The following ZNF514 variants were observed in gnomAD, a reference collection of about 807,000 sequenced individuals.
ZNF514 encodes the protein zinc finger protein 514.
Under a neutral mutation model 9.7 loss-of-function variants are expected in ZNF514, and 12 were observed. The ratio of observed to expected loss-of-function variants is 1.24; its 90% CI spans 0.79 to 2.01. The LOEUF (loss-of-function observed/expected upper bound fraction) is 2.01. Ranked by LOEUF, ZNF514 falls within the 30% of genes most tolerant of loss-of-function variation. The probability of loss-of-function intolerance (pLI) is 0.00; values close to 1 mark genes in which losing one functional copy is unlikely to be tolerated. For missense variants in ZNF514, 467 were observed against 465.5 expected (o/e 1.00, Z -0.03); for synonymous variants, 158 against 163.7 (o/e 0.97, Z 0.27).
At chr2:95,131,985 A>G in the ZNF514 span, among the ~76,000 whole-genome samples, 1 of 151,978 alleles carries the variant, frequency 6.6e-6, no homozygotes, top group Non-Finnish European at 1.5e-5. Context: ...TCTACTAAAA[A>G]TACAAAAATT....
In ZNF514 at chr2:95,149,783, G is replaced by A. The variant is rs867357320; in HGVS notation, c.702C>T (p.Cys234=). The A allele has an allele frequency of 6.2e-7, 1 of 1,614,132 alleles. No individual in the cohort carries two copies. Among genetic ancestry groups the A allele is most frequent in the African/African-American group, 1.3e-5 (1 of 74,954 alleles). The part of the protein sequence containing the change: ...RCHTGEKPYE[C]SDCGRAFGHI... ...GACCAAAGGCTCTTCCACAGTCACT[G>A]CATTCATACGGCTTTTCTCCAGTGT... is the stretch of plus-strand genomic sequence containing the variant. The change falls in exon 5 of 5, where the codon TGC becomes TGT. Residue 234 remains cysteine, a synonymous_variant. Coordinates refer to ENST00000295208, the MANE Select transcript of ZNF514 (RefSeq NM_032788.3).
At chr2:95,143,962 G>C (rs760569561), downstream of ZNF514, among the ~76,000 whole-genome samples, 2 of 152,196 alleles carry the variant, frequency 1.3e-5, no homozygotes, top group Non-Finnish European at 2.9e-5. Flanking sequence ...ATTTACAGTG[G>C]GTGCTTAATT....
the ZNF514 span, among the ~76,000 whole-genome samples, chr2:95,132,264 G>A: frequency 6.7e-6 from 1 of 148,846 alleles, no homozygotes; most frequent in African/African-American, 2.5e-5. Context: ...AATTTATGAA[G>A]AATTCTCAAA....
At chr2:95,157,178 G>C (rs887821507) in intron 2 of ZNF514, among the ~76,000 whole-genome samples, 173 bp downstream of exon 2, 1 of 152,166 alleles carries the variant, frequency 6.6e-6, no homozygotes, top group African/African-American at 2.4e-5. Context: ...ACAGCAAGAA[G>C]AGAACACCCC....
chr2:95,159,176 GC>G lies in ZNF514; in HGVS notation c.-96+63del. 4 of 366,300 alleles carry G rather than the reference GC, an allele frequency of 1.1e-5. No homozygotes were observed. The South Asian group carries it at 1.2e-4, about 11-fold the overall frequency. 22.7% of individuals were successfully genotyped at this position (366,300 alleles called of 1,614,324 possible). A position where few individuals can be genotyped will look rare whatever the true frequency, so the allele number is the denominator to read the frequency against. ...CAGAGCAGGGCCGGCAAACCCCGGTGCGCCCAGCGCGGCGCACTGCTGCCCG... is the reference window on the plus strand; with the variant it reads ...CAGAGCAGGGCCGGCAAACCCCGGTGGCCCAGCGCGGCGCACTGCTGCCCG... On this transcript the variant is annotated intron_variant, in intron 1 of 4. Transcript: ENST00000295208.
chr2:95,152,241 G>GT (rs1238824351), intron 4 of ZNF514, among the ~76,000 whole-genome samples: 1 of 152,168 alleles, frequency 6.6e-6, no homozygotes, highest in Non-Finnish European at 1.5e-5. Flanking sequence ...CAAGCTTGAA[G>GT]TGTCCTCACC....
chr2:95,130,141 A>G, the ZNF514 span, among the ~76,000 whole-genome samples: 1 of 152,216 alleles, frequency 6.6e-6, no homozygotes, highest in South Asian at 2.1e-4. Context: ...CAGGGGAGAC[A>G]TCACACATTG....
intron 1 of ZNF514, among the ~76,000 whole-genome samples, chr2:95,158,461 C>T (rs1673746397): frequency 6.6e-6 from 1 of 152,222 alleles, no homozygotes; most frequent in South Asian, 2.1e-4. Context: ...CTGGATTGCC[C>T]TGCCCCCAAC....
At chr2:95,152,972 A>G (rs1335031330) in intron 3 of ZNF514, among the ~76,000 whole-genome samples, 161 bp downstream of exon 3, 3 of 152,180 alleles carry the variant, frequency 2.0e-5, no homozygotes, top group Non-Finnish European at 4.4e-5. Flanking sequence ...GAACAGAAAT[A>G]CTGTATCACT....
chr2:95,125,483 C>G, the ZNF514 span, among the ~76,000 whole-genome samples: 1 of 152,084 alleles, frequency 6.6e-6, no homozygotes, highest in Non-Finnish European at 1.5e-5. Context: ...TGTGATTCAC[C>G]CACCTTGGCC....
the ZNF514 span, among the ~76,000 whole-genome samples, chr2:95,139,649 C>T: frequency 6.6e-6 from 1 of 151,892 alleles, no homozygotes; most frequent in East Asian, 1.9e-4. Context: ...TGCCTTGTCT[C>T]AAATGAAACT....
At chr2:95,138,766 A>G in the ZNF514 span, among the ~76,000 whole-genome samples, 1 of 152,244 alleles carries the variant, frequency 6.6e-6, no homozygotes, top group South Asian at 2.1e-4. Context: ...TGGAGCAACT[A>G]CTTGCTAGAG....
intron 4 of ZNF514, 95 bp downstream of exon 4, chr2:95,152,579 T>C (rs1312282344): frequency 1.0e-6 from 1 of 981,034 alleles, no homozygotes; most frequent in African/African-American, 1.6e-5. Context: ...AGTGATCTCA[T>C]CTTCTGAAAG....
chr2:95,158,922 C>T, intron 1 of ZNF514: 1 of 1,289,776 alleles, frequency 7.8e-7, no homozygotes, highest in South Asian at 1.2e-5. Flanking sequence ...GGTACTAGCT[C>T]CCCAAGAGGG....
rs1235147414 is a variant in ZNF514, at chr2:95,159,587, C to T, written c.-443G>A. ...GTCTCCGAACGCTCACAGGACCAGGCCCCGCCCGCCACCCCGCGCCAGCCC... is the reference window on the plus strand; with the variant it reads ...GTCTCCGAACGCTCACAGGACCAGGTCCCGCCCGCCACCCCGCGCCAGCCC... On this transcript the variant is annotated 5_prime_UTR_variant, in exon 1 of 5. Transcript: ENST00000295208. 1.2e-4 allele frequency: 15 copies of T among 123,932 alleles called. No individual in the cohort carries two copies. Among genetic ancestry groups the T allele is most frequent in the African/African-American group, 4.0e-4 (13 of 32,406 alleles). The allele number at this position is 123,932 out of a possible 1,614,324, so 7.7% of individuals were successfully genotyped here. A position where few individuals can be genotyped will look rare whatever the true frequency, so the allele number is the denominator to read the frequency against.
At chr2:95,150,319 T>C in intron 4 of ZNF514, 52 bp from the exon 5 acceptor site, 5 of 1,490,240 alleles carry the variant, frequency 3.4e-6, no homozygotes, top group Non-Finnish European at 4.4e-6. Flanking sequence ...TAGAATGTCC[T>C]ATGTAGCAAG....
the ZNF514 span, among the ~76,000 whole-genome samples, chr2:95,136,411 C>T: frequency 6.6e-6 from 1 of 151,942 alleles, no homozygotes; most frequent in Non-Finnish European, 1.5e-5. Flanking sequence ...CCCCACCTGG[C>T]TATTTTTTTA....
At chr2:95,138,796 G>C in the ZNF514 span, among the ~76,000 whole-genome samples, 1 of 152,184 alleles carries the variant, frequency 6.6e-6, no homozygotes, top group East Asian at 1.9e-4. Context: ...TAACTAAAAA[G>C]GATCCAAGTG....
the ZNF514 span, among the ~76,000 whole-genome samples, chr2:95,132,498 G>A: frequency 3.9e-5 from 6 of 152,110 alleles, no homozygotes; most frequent in African/African-American, 9.7e-5. Flanking sequence ...TGTGAGAAAC[G>A]GGATCACTCA....
Sources: gnomAD v4.1 joint callset for allele counts (sites outside exome capture counted in the v4.1 genomes callset) on GRCh38, gnomAD v4.1.1 for gene constraint, MANE v1.5 for transcripts, NCBI Gene and HGNC (gene_info 2026-07-23, HGNC 2026-07-21) for gene names.